UNC5C: variants seen among roughly 807,000 people sequenced by gnomAD.
UNC5C encodes netrin receptor UNC5C.
In UNC5C, 47 loss-of-function variants were observed where a neutral mutation model predicts 99.8. The ratio of observed to expected loss-of-function variants is 0.47; its 90% CI spans 0.37 to 0.60. The LOEUF (loss-of-function observed/expected upper bound fraction) is 0.60, where lower values mean the gene tolerates loss of function less well. Ranked by LOEUF, UNC5C falls within the 20% of genes least tolerant of loss-of-function variation. The probability of loss-of-function intolerance (pLI) is 0.00; values close to 1 mark genes in which losing one functional copy is unlikely to be tolerated. For missense variants in UNC5C, 1,062 were observed against 1,165.9 expected (o/e 0.91, Z 1.30); for synonymous variants, 487 against 452.2 (o/e 1.08, Z -0.98).
chr4:95,538,888 A>G (rs972626993), intron 1 of UNC5C, among the ~76,000 whole-genome samples: 12 of 152,186 alleles, frequency 7.9e-5, no homozygotes, highest in Non-Finnish European at 1.6e-4. Flanking sequence ...CCTTCCTCGC[A>G]ATTGACTTTA....
intron 6 of UNC5C, 61 bp downstream of exon 6, chr4:95,244,916 T>C: frequency 1.3e-6 from 2 of 1,597,006 alleles, no homozygotes; most frequent in Non-Finnish European, 1.7e-6. Flanking sequence ...GTATCTATTC[T>C]CTAAAAGCAT....
At chr4:95,419,819 T>A (rs2149455595) in intron 1 of UNC5C, among the ~76,000 whole-genome samples, 1 of 152,168 alleles carries the variant, frequency 6.6e-6, no homozygotes, top group Middle Eastern at 3.4e-3. Flanking sequence ...CTGTACTGGA[T>A]ATACTAGATA....
chr4:95,541,587 AC>A (rs1327418236), intron 1 of UNC5C, among the ~76,000 whole-genome samples: 1 of 152,164 alleles, frequency 6.6e-6, no homozygotes, highest in African/African-American at 2.4e-5. Flanking sequence ...TAAAATGATC[AC>A]TTTTATCTAC....
chr4:95,458,550 C>T (rs576863917), intron 1 of UNC5C, among the ~76,000 whole-genome samples: 18 of 152,076 alleles, frequency 1.2e-4, no homozygotes, highest in Non-Finnish European at 2.2e-4. Flanking sequence ...AATTGATAGC[C>T]TTCCTTACCA....
chr4:95,484,195 T>C (rs1218298791), intron 1 of UNC5C, among the ~76,000 whole-genome samples: 5 of 151,836 alleles, frequency 3.3e-5, no homozygotes, highest in African/African-American at 1.2e-4. Context: ...GGGTGTATAT[T>C]TGACTTTGTG....
intron 4 of UNC5C, among the ~76,000 whole-genome samples, chr4:95,265,648 A>G (rs1740416532): frequency 6.6e-6 from 1 of 152,216 alleles, no homozygotes; most frequent in Admixed American, 6.5e-5. Context: ...TATGAAAATT[A>G]TCAAATGAGA....
intron 2 of UNC5C, among the ~76,000 whole-genome samples, chr4:95,331,115 C>T (rs1048190791): frequency 2.0e-5 from 3 of 152,068 alleles, no homozygotes; most frequent in Non-Finnish European, 1.5e-5. Flanking sequence ...TAATGGCTTC[C>T]AGTTCCATCC....
At chr4:95,289,638 A>G (rs1165191337) in intron 3 of UNC5C, among the ~76,000 whole-genome samples, 1 of 152,220 alleles carries the variant, frequency 6.6e-6, no homozygotes, top group Non-Finnish European at 1.5e-5. Flanking sequence ...ACTCAAAGTA[A>G]TAATACTGTG....
chr4:95,518,668 T>C (rs1722275508), intron 1 of UNC5C, among the ~76,000 whole-genome samples: 1 of 152,206 alleles, frequency 6.6e-6, no homozygotes, highest in African/African-American at 2.4e-5. Flanking sequence ...TTCAGGCATT[T>C]ATCTTTAAGA....
chr4:95,436,979 C>A, intron 1 of UNC5C, among the ~76,000 whole-genome samples: 1 of 130,792 alleles, frequency 7.6e-6, no homozygotes, highest in African/African-American at 2.8e-5. Context: ...TAGATTTTTG[C>A]TTGCCTTTTT....
intron 7 of UNC5C, among the ~76,000 whole-genome samples, chr4:95,232,292 TAA>T (rs1479484456): frequency 1.3e-5 from 2 of 150,878 alleles, no homozygotes; most frequent in African/African-American, 4.9e-5. Context: ...ATGTTTTATA[TAA>T]GTGTTATATT....
chr4:95,308,817 A>G (rs1331635889), intron 2 of UNC5C, among the ~76,000 whole-genome samples: 1 of 149,868 alleles, frequency 6.7e-6, no homozygotes, highest in Non-Finnish European at 1.5e-5. Flanking sequence ...AGATATGTTC[A>G]TGGATTAGAA....
At chr4:95,443,780 C>T (rs1292257935) in intron 1 of UNC5C, among the ~76,000 whole-genome samples, 1 of 151,702 alleles carries the variant, frequency 6.6e-6, no homozygotes, top group Non-Finnish European at 1.5e-5. Context: ...TATTATTATT[C>T]TTTATTGAAT....
chr4:95,541,474 A>T (rs907493259), intron 1 of UNC5C, among the ~76,000 whole-genome samples: 1 of 152,154 alleles, frequency 6.6e-6, no homozygotes, highest in Non-Finnish European at 1.5e-5. Context: ...CTGCACATGA[A>T]TTTCTTTTAC....
intron 1 of UNC5C, among the ~76,000 whole-genome samples, chr4:95,394,546 T>G (rs1745454533): frequency 6.6e-6 from 1 of 152,076 alleles, no homozygotes; most frequent in Non-Finnish European, 1.5e-5. Flanking sequence ...TGAGAAATAT[T>G]CAATTTCGTG....
intron 1 of UNC5C, among the ~76,000 whole-genome samples, chr4:95,460,741 C>G (rs76941178): frequency 0.012 from 1,760 of 152,292 alleles, 26 homozygotes; most frequent in African/African-American, 0.04. Flanking sequence ...CTAATACACA[C>G]AGTGTCAACT....
intron 1 of UNC5C, among the ~76,000 whole-genome samples, chr4:95,372,626 G>A (rs1403409006): frequency 1.3e-5 from 2 of 151,954 alleles, no homozygotes; most frequent in African/African-American, 2.4e-5. Flanking sequence ...GCCCTGTTTG[G>A]GTACTATTAC....
intron 1 of UNC5C, among the ~76,000 whole-genome samples, chr4:95,515,930 G>A (rs1210514700): frequency 6.6e-6 from 1 of 152,150 alleles, no homozygotes. Context: ...CCCTAATGAT[G>A]TGGTATTTTG....
chr4:95,497,341 A>G (rs953245971), intron 1 of UNC5C, among the ~76,000 whole-genome samples: 3 of 151,972 alleles, frequency 2.0e-5, no homozygotes, highest in African/African-American at 4.8e-5. Flanking sequence ...ACTTTAAAAT[A>G]TAAATCCATA....
Sources: allele counts gnomAD v4.1 joint callset (sites outside exome capture counted in the v4.1 genomes callset), GRCh38; gene constraint gnomAD v4.1.1; transcripts MANE v1.5; gene names NCBI Gene and HGNC (gene_info 2026-07-23, HGNC 2026-07-21).